RMDN2: variants seen among roughly 807,000 people sequenced by gnomAD.
RMDN2 encodes the protein regulator of microtubule dynamics 2.
Under a neutral mutation model 52.8 loss-of-function variants are expected in RMDN2, and 61 were observed. The ratio of observed to expected loss-of-function variants is 1.16; its 90% CI spans 0.94 to 1.43. The LOEUF is 1.43. Ranked by LOEUF, RMDN2 falls within the 40% of genes most tolerant of loss-of-function variation. The pLI, the probability that RMDN2 is intolerant of heterozygous loss-of-function variation, is 0.00. For missense variants in RMDN2, 592 were observed against 475.3 expected (o/e 1.25, Z -2.28); for synonymous variants, 180 against 153.1 (o/e 1.18, Z -1.30).
Position 38,017,291 on chromosome 2 carries a change from T to G in RMDN2, c.*52T>G. ...CAGATGTGGTCTACCAAAATTTAAA[T>G]GAATCAAAGTTGTGCTTTTATTATC... On this transcript the variant is annotated 3_prime_UTR_variant, in exon 11 of 11. Transcript: ENST00000354545. 6.8e-7 allele frequency: 1 copy of G among 1,473,674 alleles called. No homozygotes were observed. The highest frequency in any genetic ancestry group is 9.0e-7 in the Non-Finnish European group (1 of 1,108,574). The allele number at this position is 1,473,674 out of a possible 1,614,324, so 91.3% of individuals were successfully genotyped here. A position where few individuals can be genotyped will look rare whatever the true frequency, so the allele number is the denominator to read the frequency against.
At chr2:38,065,522 T>C (rs1682236682) in intron 10 of RMDN2, among the ~76,000 whole-genome samples, 1 of 152,196 alleles carries the variant, frequency 6.6e-6, no homozygotes, top group South Asian at 2.1e-4. Context: ...GATTCAAAAC[T>C]AGTTCTGGTA....
At chr2:38,016,815 C>T (rs1273802689) in intron 10 of RMDN2, among the ~76,000 whole-genome samples, 1 of 151,716 alleles carries the variant, frequency 6.6e-6, no homozygotes, top group East Asian at 1.9e-4. Context: ...GAGCTTTTTC[C>T]AGGAGGAAGA....
chr2:37,976,980 C>T (rs557711510), intron 4 of RMDN2, among the ~76,000 whole-genome samples: 10 of 152,086 alleles, frequency 6.6e-5, no homozygotes, highest in African/African-American at 2.4e-4. Context: ...TTTTCCTAGG[C>T]AGAGGGCCCT....
At chr2:38,066,229 G>C (rs952594756) in intron 10 of RMDN2, among the ~76,000 whole-genome samples, 1 of 152,152 alleles carries the variant, frequency 6.6e-6, no homozygotes, top group Non-Finnish European at 1.5e-5. Flanking sequence ...ACATATTTTA[G>C]TTCCATTTCT....
chr2:38,004,767 A>C (rs534449391), intron 10 of RMDN2, among the ~76,000 whole-genome samples: 8 of 151,818 alleles, frequency 5.3e-5, no homozygotes, highest in African/African-American at 1.9e-4. Flanking sequence ...ATATGTATAT[A>C]TGTGCCATGT....
chr2:38,059,114 T>C (rs1349655144), intron 10 of RMDN2, among the ~76,000 whole-genome samples: 1 of 152,224 alleles, frequency 6.6e-6, no homozygotes, highest in African/African-American at 2.4e-5. Context: ...TGGAAGCGTT[T>C]TATATCTGTG....
At chr2:37,952,056 G>C (rs1668891785) in intron 2 of RMDN2, 4 of 1,613,240 alleles carry the variant, frequency 2.5e-6, no homozygotes, top group Non-Finnish European at 3.4e-6. Flanking sequence ...CCTCCATAAA[G>C]CTGGATTTTC....
chr2:37,970,063 G>T (rs1671591306), intron 2 of RMDN2, among the ~76,000 whole-genome samples: 1 of 152,016 alleles, frequency 6.6e-6, no homozygotes, highest in Non-Finnish European at 1.5e-5. Flanking sequence ...CTCCTGAGTA[G>T]TTGGGACTAC....
At chr2:37,983,501 C>T (rs930939533) in intron 5 of RMDN2, among the ~76,000 whole-genome samples, 1 of 152,024 alleles carries the variant, frequency 6.6e-6, no homozygotes, top group Non-Finnish European at 1.5e-5. Context: ...TTGTGTTTCA[C>T]CTAATTTCTT....
At chr2:38,013,991 G>C (rs1304621040) in intron 10 of RMDN2, among the ~76,000 whole-genome samples, 1 of 152,120 alleles carries the variant, frequency 6.6e-6, no homozygotes, top group African/African-American at 2.4e-5. Flanking sequence ...CGGATCACCT[G>C]AGGTCGGGAG....
At chr2:38,053,550 T>C (rs1681719998) in intron 10 of RMDN2, among the ~76,000 whole-genome samples, 2 of 152,216 alleles carry the variant, frequency 1.3e-5, no homozygotes, top group Admixed American at 1.3e-4. Flanking sequence ...CACAAAACGG[T>C]TTGCAAAGAG....
chr2:37,929,653 G>A lies in RMDN2; in HGVS notation c.376G>A (p.Ala126Thr), dbSNP rs1456217382. 3.2e-6 allele frequency: 5 copies of A among 1,544,608 alleles called. No individual in the cohort carries two copies. The Admixed American group carries it at 6.1e-5, about 19-fold the overall frequency. ...TVHKISPQHR[A>T]RKRRLPTIQS... ...TCATAAGATAAGCCCTCAGCACAGAGCGAGAAAAAGAAGACTCCCCACAAT... is the reference window on the plus strand; with the variant it reads ...TCATAAGATAAGCCCTCAGCACAGAACGAGAAAAAGAAGACTCCCCACAAT... Residue 126 changes from alanine (A) to threonine (T), a missense_variant, in exon 2 of 11, where the codon GCG (alanine) becomes ACG (threonine). Coordinates refer to ENST00000354545, the MANE Select transcript of RMDN2 (RefSeq NM_001170791.3).
At chr2:37,976,849 T>A (rs555962968) in intron 4 of RMDN2, among the ~76,000 whole-genome samples, 129 of 152,122 alleles carry the variant, frequency 8.5e-4, no homozygotes, top group Non-Finnish European at 1.3e-3. Flanking sequence ...TTTTTTTTTT[T>A]AAATTTTTTT....
intron 2 of RMDN2, among the ~76,000 whole-genome samples, chr2:37,931,341 G>C (rs1039714947): frequency 6.6e-6 from 1 of 152,210 alleles, no homozygotes; most frequent in Non-Finnish European, 1.5e-5. Context: ...TCCCAGTATA[G>C]CATTGAGCAT....
chr2:38,054,639 G>T (rs1234075841), intron 10 of RMDN2, among the ~76,000 whole-genome samples: 1 of 152,194 alleles, frequency 6.6e-6, no homozygotes, highest in African/African-American at 2.4e-5. Flanking sequence ...TGTTGCTCCA[G>T]GGTTCAATTC....
intron 2 of RMDN2, among the ~76,000 whole-genome samples, chr2:37,959,960 G>A (rs922804874): frequency 1.4e-5 from 2 of 143,800 alleles, no homozygotes; most frequent in African/African-American, 3.0e-5. Flanking sequence ...GCAGTTTTGA[G>A]TGAGTTTCTT....
At chr2:38,019,836 G>A (rs941958652), downstream of RMDN2, among the ~76,000 whole-genome samples, 1 of 152,002 alleles carries the variant, frequency 6.6e-6, no homozygotes, top group African/African-American at 2.4e-5. Flanking sequence ...GAGGTGGGAG[G>A]ATTACTTCAA....
At chr2:38,028,880 G>A (rs1465111779) in intron 10 of RMDN2, among the ~76,000 whole-genome samples, 2 of 152,096 alleles carry the variant, frequency 1.3e-5, no homozygotes, top group Non-Finnish European at 2.9e-5. Flanking sequence ...AGCTGTAACT[G>A]GAGCCAGCTG....
At chr2:37,997,688 A>C (rs555429776) in intron 8 of RMDN2, 174 bp downstream of exon 8, 12 of 578,684 alleles carry the variant, frequency 2.1e-5, no homozygotes, top group African/African-American at 1.9e-4. Context: ...TTTTAAGTCT[A>C]AACTCCTTAG....
Sources: gnomAD v4.1 joint callset for allele counts (sites outside exome capture counted in the v4.1 genomes callset) on GRCh38, gnomAD v4.1.1 for gene constraint, MANE v1.5 for transcripts, NCBI Gene and HGNC (gene_info 2026-07-23, HGNC 2026-07-21) for gene names.